Variants in TESMIN observed in about 807,000 individuals in gnomAD.
The protein encoded by TESMIN is testis expressed metallothionein like protein, also known as CXC domain containing 2.
TESMIN carries 34 observed loss-of-function variants against 47.4 expected under a neutral mutation model. That is an observed-to-expected ratio of 0.72 (90% CI 0.55 to 0.96). The LOEUF is 0.96. TESMIN is among the 40% of genes least tolerant of loss of function. The pLI is 0.00. For missense variants in TESMIN, 610 were observed against 637.2 expected (o/e 0.96, Z 0.46); for synonymous variants, 278 against 258.9 (o/e 1.07, Z -0.71).
At chr11:68,706,214 C>T (rs899668722), downstream of TESMIN, among the ~76,000 whole-genome samples, 1 of 152,158 alleles carries the variant, frequency 6.6e-6, no homozygotes, top group African/African-American at 2.4e-5. Context: ...GCTTTATGCA[C>T]GTCTGTATCT....
chr11:68,742,446 A>G, intron 4 of TESMIN, 52 bp from the exon 5 acceptor site: 2 of 1,197,058 alleles, frequency 1.7e-6, no homozygotes, highest in Non-Finnish European at 1.2e-6. Flanking sequence ...TTCCTCTTCC[A>G]CTTACACGTG....
At chr11:68,744,888 A>G (rs1946498969) in intron 4 of TESMIN, 103 bp downstream of exon 4, 4 of 999,884 alleles carry the variant, frequency 4.0e-6, no homozygotes, top group African/African-American at 1.7e-5. Flanking sequence ...CAAATTTCCT[A>G]TTTAATATCC....
chr11:68,722,537 T>G (rs1413180283), intron 6 of TESMIN, among the ~76,000 whole-genome samples: 1 of 150,720 alleles, frequency 6.6e-6, no homozygotes, highest in Non-Finnish European at 1.5e-5. Flanking sequence ...AAAAAAAAAG[T>G]TGTTACAAAT....
chr11:68,717,973 A>G (rs1044431770), intron 6 of TESMIN, among the ~76,000 whole-genome samples: 1 of 152,200 alleles, frequency 6.6e-6, no homozygotes, highest in Non-Finnish European at 1.5e-5. Context: ...GACTCTGACC[A>G]GCCCAGGAGA....
Position 68,715,827 on chromosome 11 carries a change from C to T in TESMIN, c.1020+10G>A, listed in dbSNP as rs770109227. ...TTTTAAAATGCATACATTTAATGGA[C>T]ATTTATTACCTTAATGGCTTTAAAC... On this transcript the variant is annotated intron_variant, in intron 7 of 9. Coordinates refer to ENST00000255087, the MANE Select transcript of TESMIN (RefSeq NM_004923.3). 1 of 1,536,472 alleles carries T rather than the reference C, an allele frequency of 6.5e-7. No individual in the cohort carries two copies. Among genetic ancestry groups the T allele is most frequent in the South Asian group, 1.1e-5 (1 of 89,154 alleles).
chr11:68,730,788 CTT>C (rs1216482512), intron 6 of TESMIN, among the ~76,000 whole-genome samples: 3 of 143,046 alleles, frequency 2.1e-5, no homozygotes, highest in Non-Finnish European at 4.5e-5. Flanking sequence ...AACAGCCAGA[CTT>C]TGTCTCAAAA....
At chr11:68,726,811 C>T (rs1359742452) in intron 6 of TESMIN, among the ~76,000 whole-genome samples, 2 of 152,108 alleles carry the variant, frequency 1.3e-5, no homozygotes, top group Non-Finnish European at 1.5e-5. Flanking sequence ...GGTGCAGTGG[C>T]TTACACCTGT....
intron 8 of TESMIN, among the ~76,000 whole-genome samples, 188 bp downstream of exon 8, chr11:68,713,082 G>T (rs75423182): frequency 6.6e-6 from 1 of 152,152 alleles, no homozygotes. Context: ...AAATTGACCC[G>T]GTTCACAAAG....
At chr11:68,724,608 T>A (rs190824482) in intron 6 of TESMIN, among the ~76,000 whole-genome samples, 2 of 152,294 alleles carry the variant, frequency 1.3e-5, no homozygotes, top group Admixed American at 1.3e-4. Flanking sequence ...CCATGAAAGG[T>A]TAAGGAGTGT....
rs1347325494 is a variant in TESMIN at position 68,747,304 on chromosome 11, C to G, written c.534G>C (p.Gln178His). The change falls in exon 3 of 10, where the codon CAG becomes CAC. Residue 178 changes from glutamine (Q) to histidine (H), a missense_variant. Physicochemically the swap from Gln to His is conservative, Grantham distance 24. Coordinates refer to ENST00000255087, the MANE Select transcript of TESMIN (RefSeq NM_004923.3). ...AACAGGATTCCTGAGCAAGAAGATTCTGCAAAGTTGCTTCTTCCGGATTAT... is the reference window on the plus strand; with the variant it reads ...AACAGGATTCCTGAGCAAGAAGATTGTGCAAAGTTGCTTCTTCCGGATTAT... The part of the protein sequence containing the change: ...TSNNPEEATL[Q>H]NLLAQESCCK... The G allele has an allele frequency of 4.3e-6, 7 of 1,613,958 alleles. No individual in the cohort carries two copies. Among genetic ancestry groups the G allele is most frequent in the Middle Eastern group, 1.6e-4 (1 of 6,084 alleles).
Position 68,708,455 on chromosome 11 carries a change from G to A in TESMIN, c.1380C>T (p.Cys460=), listed in dbSNP as rs753804702. The part of the protein sequence containing the change: ...CISWEVVEAT[C]ACLLAQGEEA... ...CTTCTCCCTGAGCAAGCAGGCAGGC[G>A]CATGTGGCCTCCACCACCTCCCAGG... Residue 460 remains cysteine, a synonymous_variant, in exon 10 of 10, where the codon TGC becomes TGT. Coordinates refer to ENST00000255087, the MANE Select transcript of TESMIN (RefSeq NM_004923.3). 7.7e-5 allele frequency: 124 copies of A among 1,613,592 alleles called. No individual in the cohort carries two copies. The highest frequency in any genetic ancestry group is 1.6e-4 in the Middle Eastern group (1 of 6,078).
chr11:68,737,517 C>CT, intron 6 of TESMIN: 4 of 985,716 alleles, frequency 4.1e-6, no homozygotes, highest in Non-Finnish European at 3.6e-6. Flanking sequence ...TGGCAGAACT[C>CT]TGCAGGAGCC....
At chr11:68,717,412 C>A (rs1946152966) in intron 6 of TESMIN, among the ~76,000 whole-genome samples, 1 of 152,040 alleles carries the variant, frequency 6.6e-6, no homozygotes, top group South Asian at 2.1e-4. Flanking sequence ...AAGGCGAGCT[C>A]CCCAAGGAGT....
chr11:68,751,063 A>C, intron 1 of TESMIN, among the ~76,000 whole-genome samples: 1 of 24,700 alleles, frequency 4.0e-5, no homozygotes, highest in East Asian at 1.4e-3. Flanking sequence ...AGGGGCGGCC[A>C]GGGGAGGGGG....
chr11:68,718,331 A>G (rs1261829624), intron 6 of TESMIN, among the ~76,000 whole-genome samples: 1 of 152,236 alleles, frequency 6.6e-6, no homozygotes, highest in Admixed American at 6.5e-5. Context: ...CAACAGCCTT[A>G]GAGAGACTAA....
At chr11:68,709,306 G>A (rs541582093) in intron 9 of TESMIN, among the ~76,000 whole-genome samples, 19 of 152,330 alleles carry the variant, frequency 1.2e-4, no homozygotes, top group African/African-American at 3.1e-4. Context: ...GGGACAAGCC[G>A]AGCAGCTTTG....
intron 5 of TESMIN, among the ~76,000 whole-genome samples, chr11:68,739,017 G>A (rs1220037313): frequency 6.6e-6 from 1 of 152,128 alleles, no homozygotes; most frequent in Non-Finnish European, 1.5e-5. Flanking sequence ...GTCTGGAAGT[G>A]TGCAAAGATG....
chr11:68,746,056 T>C (rs776451832), intron 3 of TESMIN, among the ~76,000 whole-genome samples: 7 of 152,214 alleles, frequency 4.6e-5, no homozygotes, highest in Non-Finnish European at 8.8e-5. Flanking sequence ...GTAATACACA[T>C]TGGACCTACT....
At chr11:68,716,331 C>T (rs1354703900) in intron 6 of TESMIN, among the ~76,000 whole-genome samples, 2 of 152,200 alleles carry the variant, frequency 1.3e-5, no homozygotes, top group African/African-American at 4.8e-5. Flanking sequence ...TTCCCCAGTC[C>T]ATCCAACATG....
Sources: allele counts gnomAD v4.1 joint callset (sites outside exome capture counted in the v4.1 genomes callset), GRCh38; gene constraint gnomAD v4.1.1; transcripts MANE v1.5; gene names NCBI Gene and HGNC (gene_info 2026-07-23, HGNC 2026-07-21).